Variants in PNPLA6 observed in about 807,000 individuals in gnomAD.
PNPLA6 encodes the protein patatin like domain 6, lysophospholipase, also known as patatin-like phospholipase domain-containing protein 6.
Under a neutral mutation model 153.7 loss-of-function variants are expected in PNPLA6, and 105 were observed. The ratio of observed to expected loss-of-function variants is 0.68; its 90% CI spans 0.58 to 0.80. The LOEUF (loss-of-function observed/expected upper bound fraction) is 0.80, where lower values mean the gene tolerates loss of function less well. Among genes scored for constraint, PNPLA6 ranks in the 30% least tolerant of loss-of-function variants. The pLI is 0.00. For synonymous variants in PNPLA6, 825 were observed against 822.2 expected (o/e 1.00, Z -0.06); for missense variants, 1,423 against 1,919.3 (o/e 0.74, Z 4.83).
chr19:7,542,645 G>A lies in PNPLA6; in HGVS notation c.1337G>A (p.Gly446Glu). ...GTGTCCCTGCAGGAAGAGGCCTCCGGGGGGTCCCTGGCAGCCCCCGCTCGG... is the reference window on the plus strand; with the variant it reads ...GTGTCCCTGCAGGAAGAGGCCTCCGAGGGGTCCCTGGCAGCCCCCGCTCGG... ...ISVSLQEEAS[G>E]GSLAAPARTP... The change falls in exon 11 of 32, where the codon GGG becomes GAG. Residue 446 changes from glycine to glutamate, a missense_variant. Physicochemically the swap from Gly to Glu is moderately conservative, Grantham distance 98. Around this residue, in one of 10 missense-constraint regions of PNPLA6, gnomAD observed 267 missense variants for 255.1 expected, o/e 1.05. Coordinates refer to ENST00000600737, the MANE Select transcript of PNPLA6 (RefSeq NM_001166114.2). 2 of 1,613,288 alleles carry A rather than the reference G, an allele frequency of 1.2e-6. No individual in the cohort carries two copies. The highest frequency in any genetic ancestry group is 1.7e-6 in the Non-Finnish European group (2 of 1,179,918).
chr19:7,556,971 G>C, intron 26 of PNPLA6, 197 bp from the exon 27 acceptor site: 1 of 708,160 alleles, frequency 1.4e-6, no homozygotes, highest in Non-Finnish European at 2.6e-6. Flanking sequence ...CGCAGGCTGT[G>C]TGTGGCGTTA....
chr19:7,538,856 G>C (rs1404288197), intron 3 of PNPLA6, among the ~76,000 whole-genome samples: 1 of 152,230 alleles, frequency 6.6e-6, no homozygotes, highest in African/African-American at 2.4e-5. Context: ...AATCTACTCT[G>C]TGACTACTGG....
intron 18 of PNPLA6, among the ~76,000 whole-genome samples, chr19:7,552,310 G>A (rs2023685812): frequency 6.6e-6 from 1 of 152,152 alleles, no homozygotes; most frequent in Admixed American, 6.6e-5. Context: ...GCTGAAATGA[G>A]GGCCTGAGTT....
Position 7,540,897 on chromosome 19 carries a change from T to C in PNPLA6, c.796-26T>C. The C allele has an allele frequency of 6.2e-7, 1 of 1,612,920 alleles. No homozygotes were observed. Among genetic ancestry groups the C allele is most frequent in the African/African-American group, 1.3e-5 (1 of 74,988 alleles). ...GGGACTCGCAGCCTCTGCCCTTGTC[T>C]CTCTTCACGCCCTCCCCTCCCCCAG... On this transcript the variant is annotated intron_variant, in intron 6 of 31. Transcript: ENST00000600737. The surrounding 1 kb of genome is among the most constrained non-coding windows in gnomAD (Gnocchi z 6.8).
At chr19:7,553,640 G>A (rs767514615) in intron 18 of PNPLA6, among the ~76,000 whole-genome samples, 2 of 152,178 alleles carry the variant, frequency 1.3e-5, no homozygotes, top group African/African-American at 2.4e-5. Context: ...CAAAGTGGAG[G>A]GTAGATGGCC....
chr19:7,535,839 G>T lies in PNPLA6; in HGVS notation c.51G>T (p.Val17=). 6.5e-7 allele frequency: 1 copy of T among 1,537,550 alleles called. No individual in the cohort carries two copies. The highest frequency in any genetic ancestry group is 1.2e-5 in the South Asian group (1 of 84,068). ...GLATNSSGAK[V]AERDGFQDVL... ...CTACGAACTCCTCGGGGGCGAAGGT[G>T]GCGGAGAGGGATGGGTTCCAGGACG... Residue 17 remains valine, a synonymous_variant, in exon 1 of 32, where the codon GTG becomes GTT. Transcript: ENST00000600737. The surrounding 1 kb of genome is among the most constrained non-coding windows in gnomAD (Gnocchi z 5.0).
At position 7,550,105 on chromosome 19, in the gene PNPLA6, T is replaced by C. The variant is rs1342035267; in HGVS notation, c.1807T>C (p.Phe603Leu). 6.2e-7 allele frequency: 1 copy of C among 1,613,928 alleles called. No individual in the cohort carries two copies. Among genetic ancestry groups the C allele is most frequent in the Non-Finnish European group, 8.5e-7 (1 of 1,180,052 alleles). The change falls in exon 14 of 32, where the codon TTC becomes CTC. Residue 603 changes from phenylalanine to leucine, a missense_variant. Around this residue, in one of 10 missense-constraint regions of PNPLA6, gnomAD observed 119 missense variants for 163.7 expected, o/e 0.73. Transcript: ENST00000600737. ...CTTCCTGCGGATCTCCAAGTCCGAC[T>C]TCTATGAGTATGACAGCCCGAAGTT... The part of the protein sequence containing the change: ...CTFLRISKSD[F>L]YEIMRAQPSV...
Position 7,543,070 on chromosome 19 carries a change from CG to C in PNPLA6, c.1595del (p.Arg532ProfsTer7). ...HHAKAGTIIA[R>X]QGDQDVSLHF... ...CGCCAAAGCTGGCACCATCATTGCCCGCCAGGGAGACCAGGTGAGGCTGACC... is the reference window on the plus strand; with the variant it reads ...CGCCAAAGCTGGCACCATCATTGCCCCCAGGGAGACCAGGTGAGGCTGACC... On this transcript the variant is annotated frameshift_variant, in exon 13 of 32. Coordinates refer to ENST00000600737, the MANE Select transcript of PNPLA6 (RefSeq NM_001166114.2). LOFTEE classifies it high-confidence loss of function. 6.2e-7 allele frequency: 1 copy of C among 1,613,900 alleles called. No homozygotes were observed. Among genetic ancestry groups the C allele is most frequent in the Non-Finnish European group, 8.5e-7 (1 of 1,179,946 alleles).
At position 7,550,043 on chromosome 19, in the gene PNPLA6, CTCT is replaced by C. The variant is rs760193392; in HGVS notation, c.1746_1748del (p.Leu583del). On this transcript the variant is annotated inframe_deletion, in exon 14 of 32. Coordinates refer to ENST00000600737, the MANE Select transcript of PNPLA6 (RefSeq NM_001166114.2). Reference sequence around the variant, plus strand: ...CAGCTGGCGGTGCTCACTGGCGAACCTCTCATCTTCACACTGCGAGCCCAACGC... The same window carrying C: ...CAGCTGGCGGTGCTCACTGGCGAACCCATCTTCACACTGCGAGCCCAACGC... The C allele has an allele frequency of 1.7e-5, 28 of 1,614,046 alleles. No individual in the cohort carries two copies. Among genetic ancestry groups the C allele is most frequent in the Non-Finnish European group, 2.4e-5 (28 of 1,180,006 alleles).
chr19:7,555,640 A>G lies in PNPLA6; in HGVS notation c.2970A>G (p.Leu990=). 2 of 1,612,836 alleles carry G rather than the reference A, an allele frequency of 1.2e-6. No individual in the cohort carries two copies. The highest frequency in any genetic ancestry group is 1.7e-6 in the Non-Finnish European group (2 of 1,179,828). Residue 990 remains leucine, a synonymous_variant, in exon 24 of 32, where the codon TTA becomes TTG. Coordinates refer to ENST00000600737, the MANE Select transcript of PNPLA6 (RefSeq NM_001166114.2). The surrounding 1 kb of genome is among the most constrained non-coding windows in gnomAD (Gnocchi z 6.3). ...GCSHIGVLKA[L]EEAGVPVDLV... Reference sequence around the variant, plus strand: ...CGCACATCGGAGTACTAAAGGCATTAGAGGAGGCGGGGGTCCCCGTGGACC... The same window carrying G: ...CGCACATCGGAGTACTAAAGGCATTGGAGGAGGCGGGGGTCCCCGTGGACC...
Position 7,550,465 on chromosome 19 carries a change from G to C in PNPLA6, c.1946+36G>C, listed in dbSNP as rs1423529863. ...CACCGCGCTGCTCAGGCCCGGCCTAGGGGTGGGGACCTGGGGGTGGTCAGA... is the reference window on the plus strand; with the variant it reads ...CACCGCGCTGCTCAGGCCCGGCCTACGGGTGGGGACCTGGGGGTGGTCAGA... On this transcript the variant is annotated intron_variant, in intron 15 of 31. Coordinates refer to ENST00000600737, the MANE Select transcript of PNPLA6 (RefSeq NM_001166114.2). 3.7e-6 allele frequency: 6 copies of C among 1,612,174 alleles called. No individual in the cohort carries two copies. The African/African-American group carries it at 5.3e-5, about 14-fold the overall frequency.
chr19:7,555,686 G>A lies in PNPLA6; in HGVS notation c.3016G>A (p.Gly1006Ser). The A allele has an allele frequency of 1.2e-6, 2 of 1,613,734 alleles. No homozygotes were observed. The highest frequency in any genetic ancestry group is 1.7e-6 in the Non-Finnish European group (2 of 1,179,884). Residue 1006 changes from glycine to serine, a missense_variant, in exon 24 of 32, where the codon GGC (glycine) becomes AGC (serine). This residue lies in a region of PNPLA6 where 643 missense variants were observed against 835.2 expected (regional missense o/e 0.77). Transcript: ENST00000600737. The surrounding 1 kb of genome is among the most constrained non-coding windows in gnomAD (Gnocchi z 6.3). ...PVDLVGGTSIGSFIGALYAEE... is the reference protein window; with the variant it reads ...PVDLVGGTSISSFIGALYAEE... ...GGACCTGGTGGGCGGCACGTCCATTGGCTCTTTCATCGGAGCGTTGTACGC... is the reference window on the plus strand; with the variant it reads ...GGACCTGGTGGGCGGCACGTCCATTAGCTCTTTCATCGGAGCGTTGTACGC...
chr19:7,554,414 T>C, intron 20 of PNPLA6, 141 bp from the exon 21 acceptor site: 2 of 1,227,350 alleles, frequency 1.6e-6, no homozygotes, highest in Non-Finnish European at 2.4e-6. Flanking sequence ...CGCAGTGGTG[T>C]GAATCTGCCC....
At chr19:7,544,911 G>A (rs990610038) in intron 13 of PNPLA6, among the ~76,000 whole-genome samples, 2 of 152,188 alleles carry the variant, frequency 1.3e-5, no homozygotes, top group Non-Finnish European at 2.9e-5. Flanking sequence ...GAGACTGCTG[G>A]CCACAACCCA....
intron 13 of PNPLA6, among the ~76,000 whole-genome samples, chr19:7,548,405 CAAAAA>C (rs111556976): frequency 4.5e-4 from 66 of 145,084 alleles, no homozygotes; most frequent in Middle Eastern, 3.5e-3. Flanking sequence ...AAAAAAATCG[CAAAAA>C]AAAAAAAAAA....
rs909622359 is a variant in PNPLA6, at chr19:7,536,465, C to A, written c.332C>A (p.Ser111Tyr). Residue 111 changes from serine (S) to tyrosine (Y), a missense_variant, in exon 3 of 32, where the codon TCC (serine) becomes TAC (tyrosine). Transcript: ENST00000600737. ...KIMRKVSQST[S>Y]SLVDTSVSAT... ...TTCTCCCAGGTGTCACAATCCACCTCCTCCCTCGTGGATACCTCTGTCTCC... is the reference window on the plus strand; with the variant it reads ...TTCTCCCAGGTGTCACAATCCACCTACTCCCTCGTGGATACCTCTGTCTCC... 1 of 1,612,716 alleles carries A rather than the reference C, an allele frequency of 6.2e-7. No homozygotes were observed.
At chr19:7,545,115 C>G (rs1280804851) in intron 13 of PNPLA6, among the ~76,000 whole-genome samples, 3 of 152,058 alleles carry the variant, frequency 2.0e-5, no homozygotes, top group Non-Finnish European at 4.4e-5. Context: ...CAACCTCTGC[C>G]TCCCGGATTC....
At chr19:7,559,964 A>C (rs1384667721) in intron 28 of PNPLA6, among the ~76,000 whole-genome samples, 2 of 151,760 alleles carry the variant, frequency 1.3e-5, no homozygotes, top group East Asian at 3.9e-4. Flanking sequence ...ACATGGTGAA[A>C]CCTCATCTCT....
intron 13 of PNPLA6, among the ~76,000 whole-genome samples, chr19:7,548,052 A>G (rs577608418): frequency 2.0e-5 from 3 of 151,412 alleles, no homozygotes; most frequent in Admixed American, 6.6e-5. Context: ...CATAAAATAC[A>G]CTAACAGTTA....
Sources: gnomAD v4.1 joint callset for allele counts (sites outside exome capture counted in the v4.1 genomes callset) on GRCh38, gnomAD v4.1.1 for gene constraint, gnomAD v4.1.1 regional missense constraint, Gnocchi (gnomAD v3.1) non-coding constraint, MANE v1.5 for transcripts, NCBI Gene and HGNC (gene_info 2026-07-23, HGNC 2026-07-21) for gene names.